The following OSBPL1A variants were observed in gnomAD, a reference collection of about 807,000 sequenced individuals.
OSBPL1A encodes oxysterol-binding protein-related protein 1.
OSBPL1A carries 80 observed loss-of-function variants against 137.1 expected under a neutral mutation model. The observed-to-expected ratio is 0.58, with a 90% CI of 0.49 to 0.70. The LOEUF (loss-of-function observed/expected upper bound fraction) is 0.70, where lower values mean the gene tolerates loss of function less well. Ranked by LOEUF, OSBPL1A falls within the 30% of genes least tolerant of loss-of-function variation. OSBPL1A has a pLI of 0.00. For missense variants in OSBPL1A, 970 were observed against 1,129.4 expected (o/e 0.86, Z 2.02); for synonymous variants, 365 against 389.7 (o/e 0.94, Z 0.75).
chr18:24,187,018 C>T (rs1033665851), intron 18 of OSBPL1A, among the ~76,000 whole-genome samples: 4 of 151,466 alleles, frequency 2.6e-5, no homozygotes, highest in African/African-American at 9.7e-5. Context: ...CACATTTGCA[C>T]TGATGCTAGT....
Position 24,324,603 on chromosome 18 carries a change from TAAAAAAAAAAAAA to T in OSBPL1A, c.626-5807_626-5795del, listed in dbSNP as rs71163674. 2.8e-3 allele frequency among the ~76,000 whole-genome samples: 16 copies of T among 5,652 alleles called. 4 individuals carry two copies. The highest frequency in any genetic ancestry group is 0.012 in the South Asian group (4 of 334). 3.7% of individuals were successfully genotyped at this position (5,652 alleles called of 152,430 possible). A position where few individuals can be genotyped will look rare whatever the true frequency, so the allele number is the denominator to read the frequency against. On this transcript the variant is annotated intron_variant, in intron 7 of 27. Coordinates refer to ENST00000319481, the MANE Select transcript of OSBPL1A (RefSeq NM_080597.4). ...CCCAATAAAAACATGAATATGAATA[TAAAAAAAAAAAAA>T]AAAAAAAAAAAAAAAAAATTAGCCA...
chr18:24,228,429 T>C (rs551808218), intron 16 of OSBPL1A, among the ~76,000 whole-genome samples: 1 of 152,154 alleles, frequency 6.6e-6, no homozygotes, highest in East Asian at 1.9e-4. Flanking sequence ...CAAAGTACAA[T>C]GGTCATTTTT....
intron 15 of OSBPL1A, among the ~76,000 whole-genome samples, chr18:24,255,702 T>C (rs1156477249): frequency 6.6e-6 from 1 of 152,066 alleles, no homozygotes; most frequent in Non-Finnish European, 1.5e-5. Context: ...TTCAGACACA[T>C]GTTGTCAGAA....
chr18:24,349,534 T>G (rs2091401824), intron 4 of OSBPL1A, among the ~76,000 whole-genome samples: 2 of 151,742 alleles, frequency 1.3e-5, no homozygotes, highest in African/African-American at 4.8e-5. Context: ...CCTGGTTAGG[T>G]TTTGTTACAT....
intron 2 of OSBPL1A, 64 bp from the exon 3 acceptor site, chr18:24,368,436 C>A: frequency 3.3e-6 from 4 of 1,219,244 alleles, no homozygotes; most frequent in Non-Finnish European, 4.8e-6. Flanking sequence ...ACGAAATTAA[C>A]TTCTCCATAA....
intron 18 of OSBPL1A, among the ~76,000 whole-genome samples, chr18:24,193,510 A>G (rs925736844): frequency 6.6e-6 from 1 of 150,572 alleles, no homozygotes; most frequent in African/African-American, 2.5e-5. Context: ...AAAAAGTGGT[A>G]ATATTTGTAT....
chr18:24,222,451 T>C (rs1370499777), intron 17 of OSBPL1A, among the ~76,000 whole-genome samples: 1 of 152,108 alleles, frequency 6.6e-6, no homozygotes, highest in Non-Finnish European at 1.5e-5. Flanking sequence ...GTTAGAAGAT[T>C]AGAGCTCAAA....
At chr18:24,254,773 C>T (rs1321225798) in intron 15 of OSBPL1A, among the ~76,000 whole-genome samples, 3 of 151,458 alleles carry the variant, frequency 2.0e-5, no homozygotes, top group African/African-American at 7.3e-5. Flanking sequence ...CCTTAAAGAA[C>T]TAGAAAAGCA....
intron 16 of OSBPL1A, among the ~76,000 whole-genome samples, chr18:24,237,273 CA>C (rs1244124428): frequency 6.6e-6 from 1 of 152,058 alleles, no homozygotes; most frequent in Non-Finnish European, 1.5e-5. Flanking sequence ...TTATTTAGAA[CA>C]AACATGGGGT....
chr18:24,349,688 G>A (rs1382302853), intron 4 of OSBPL1A, among the ~76,000 whole-genome samples: 1 of 151,084 alleles, frequency 6.6e-6, no homozygotes, highest in East Asian at 2.0e-4. Context: ...ATTTGAGGGT[G>A]GCCTGTAAGA....
chr18:24,200,277 A>T (rs1201664372), intron 17 of OSBPL1A, among the ~76,000 whole-genome samples: 1 of 152,196 alleles, frequency 6.6e-6, no homozygotes, highest in Non-Finnish European at 1.5e-5. Flanking sequence ...TTAAGTAAAA[A>T]ATCAGGCCGG....
intron 2 of OSBPL1A, among the ~76,000 whole-genome samples, chr18:24,376,640 A>G: frequency 6.6e-6 from 1 of 152,190 alleles, no homozygotes; most frequent in East Asian, 1.9e-4. Context: ...GGCAGTGCTC[A>G]TCGAGGAGGC....
chr18:24,192,919 T>TAACCA (rs2086927518), intron 18 of OSBPL1A, among the ~76,000 whole-genome samples: 1 of 152,216 alleles, frequency 6.6e-6, no homozygotes, highest in Admixed American at 6.5e-5. Context: ...GGACTCTGGT[T>TAACCA]GAGTGTGGAA....
intron 18 of OSBPL1A, among the ~76,000 whole-genome samples, chr18:24,194,664 T>C (rs1408311085): frequency 6.6e-6 from 1 of 152,216 alleles, no homozygotes; most frequent in African/African-American, 2.4e-5. Flanking sequence ...AACTATTATT[T>C]ATTGAGCGCA....
chr18:24,329,578 T>C (rs566800961), intron 7 of OSBPL1A, among the ~76,000 whole-genome samples: 2 of 151,470 alleles, frequency 1.3e-5, no homozygotes, highest in East Asian at 3.9e-4. Flanking sequence ...CAGTATGATC[T>C]GCTAGCCTTA....
At chr18:24,283,069 A>C (rs1240688368) in intron 14 of OSBPL1A, among the ~76,000 whole-genome samples, 1 of 151,866 alleles carries the variant, frequency 6.6e-6, no homozygotes, top group African/African-American at 2.4e-5. Context: ...GTTCAAGACC[A>C]GTATGGCCAA....
rs1317317202 is a variant in OSBPL1A, at chr18:24,175,120, A to ATG, written c.2094-2638_2094-2637insCA. On this transcript the variant is annotated intron_variant, in intron 21 of 27. Transcript: ENST00000319481. ...TTGCCATGTGTATGTATATATATAT[A>ATG]TATATATATATATATACACATATAT... 3.5e-4 allele frequency among the ~76,000 whole-genome samples: 45 copies of ATG among 129,312 alleles called. 1 individual carries two copies. Among genetic ancestry groups the ATG allele is most frequent in the African/African-American group, 1.4e-3 (41 of 28,562 alleles). 84.8% of individuals were successfully genotyped at this position (129,312 alleles called of 152,430 possible).
At chr18:24,173,770 G>C (rs1286194297) in intron 21 of OSBPL1A, among the ~76,000 whole-genome samples, 3 of 152,136 alleles carry the variant, frequency 2.0e-5, no homozygotes, top group African/African-American at 7.2e-5. Flanking sequence ...ATTCATTTTT[G>C]TTGGTACTCA....
chr18:24,301,914 G>A (rs2090408039), intron 14 of OSBPL1A, among the ~76,000 whole-genome samples: 1 of 152,164 alleles, frequency 6.6e-6, no homozygotes, highest in Non-Finnish European at 1.5e-5. Flanking sequence ...GTTGACTAAA[G>A]GAAACTAACA....
Sources: allele counts gnomAD v4.1 joint callset (sites outside exome capture counted in the v4.1 genomes callset), GRCh38; gene constraint gnomAD v4.1.1; transcripts MANE v1.5; gene names NCBI Gene and HGNC (gene_info 2026-07-23, HGNC 2026-07-21).